RANBP2: variants seen among roughly 807,000 people sequenced by gnomAD.
RANBP2 encodes E3 SUMO-protein ligase RanBP2.
Under a neutral mutation model 303.6 loss-of-function variants are expected in RANBP2, and 57 were observed. The observed-to-expected ratio is 0.19, with a 90% CI of 0.15 to 0.23. RANBP2 has a LOEUF of 0.23. RANBP2 is among the 10% of genes least tolerant of loss of function. The pLI is 1.00. For synonymous variants in RANBP2, 1,167 were observed against 1,301.5 expected (o/e 0.90, Z 2.23); for missense variants, 3,138 against 3,780.8 (o/e 0.83, Z 4.46).
the RANBP2 span, among the ~76,000 whole-genome samples, chr2:109,467,951 C>T: frequency 6.6e-6 from 1 of 152,232 alleles, no homozygotes; most frequent in African/African-American, 2.4e-5. Context: ...CACCTCCATG[C>T]GGGCTGCTGG....
At chr2:109,468,029 C>T in the RANBP2 span, among the ~76,000 whole-genome samples, 1 of 152,380 alleles carries the variant, frequency 6.6e-6, no homozygotes, top group South Asian at 2.1e-4. Flanking sequence ...AAGTGACACA[C>T]ATCACATTTG....
the RANBP2 span, among the ~76,000 whole-genome samples, chr2:109,486,609 A>G: frequency 0.13 from 19,477 of 152,168 alleles, 1,896 homozygotes; most frequent in East Asian, 0.27. Flanking sequence ...AGCGAGGCAG[A>G]TGGTACCCTT....
the RANBP2 span, among the ~76,000 whole-genome samples, chr2:109,482,941 G>T: frequency 6.6e-6 from 1 of 152,210 alleles, no homozygotes; most frequent in Non-Finnish European, 1.5e-5. Context: ...CAGCATTTTT[G>T]AAGATGCATG....
At chr2:109,692,859 C>T in the RANBP2 span, among the ~76,000 whole-genome samples, 4 of 151,014 alleles carry the variant, frequency 2.6e-5, no homozygotes, top group Non-Finnish European at 5.9e-5. Context: ...GCTCTTGTCC[C>T]CCAGGCTGGA....
chr2:108,856,766 C>T, the RANBP2 span: 3 of 1,592,514 alleles, frequency 1.9e-6, no homozygotes, highest in Admixed American at 1.8e-5. Context: ...AGCAAAACTG[C>T]AGTTGATTGT....
chr2:109,108,770 C>A, the RANBP2 span, among the ~76,000 whole-genome samples: 3 of 152,332 alleles, frequency 2.0e-5, no homozygotes, highest in African/African-American at 7.2e-5. Flanking sequence ...CCCACCGGTC[C>A]CCCAAAGCCC....
At chr2:109,287,359 C>G in the RANBP2 span, among the ~76,000 whole-genome samples, 1 of 152,172 alleles carries the variant, frequency 6.6e-6, no homozygotes, top group African/African-American at 2.4e-5. Flanking sequence ...TACATCTTGA[C>G]TCTGAACCAC....
At chr2:109,568,466 G>T in the RANBP2 span, among the ~76,000 whole-genome samples, 2 of 150,958 alleles carry the variant, frequency 1.3e-5, no homozygotes, top group South Asian at 4.2e-4. Context: ...CTGCCTTCTG[G>T]GTTCAAGCGA....
chr2:109,047,148 C>T, the RANBP2 span, among the ~76,000 whole-genome samples: 1 of 152,208 alleles, frequency 6.6e-6, no homozygotes, highest in East Asian at 1.9e-4. Flanking sequence ...CTGCCCTATG[C>T]CACTTGGCCC....
the RANBP2 span, among the ~76,000 whole-genome samples, chr2:109,731,929 C>T: frequency 6.6e-6 from 1 of 151,854 alleles, no homozygotes; most frequent in Non-Finnish European, 1.5e-5. Flanking sequence ...CTCACCACAG[C>T]CTCCACCTCC....
At chr2:109,263,859 C>T in the RANBP2 span, among the ~76,000 whole-genome samples, 46 of 152,310 alleles carry the variant, frequency 3.0e-4, no homozygotes, top group African/African-American at 1.1e-3. Context: ...TCCCCAGCTG[C>T]TCGGGAGGCT....
the RANBP2 span, among the ~76,000 whole-genome samples, chr2:109,632,851 A>G: frequency 6.6e-6 from 1 of 151,990 alleles, no homozygotes; most frequent in African/African-American, 2.4e-5. Context: ...AAAGCAAAAC[A>G]AAAACTTGAC....
the RANBP2 span, among the ~76,000 whole-genome samples, chr2:108,980,111 G>A: frequency 7.0e-6 from 1 of 143,468 alleles, no homozygotes; most frequent in African/African-American, 2.5e-5. Context: ...GGGGTGGGGT[G>A]GGGTCGGGTG....
chr2:109,250,506 A>G, the RANBP2 span, among the ~76,000 whole-genome samples: 13 of 151,904 alleles, frequency 8.6e-5, no homozygotes, highest in East Asian at 2.5e-3. Flanking sequence ...TAAATGGAAT[A>G]ATAATGGACT....
At chr2:109,064,300 A>G in the RANBP2 span, among the ~76,000 whole-genome samples, 1 of 151,990 alleles carries the variant, frequency 6.6e-6, no homozygotes, top group Non-Finnish European at 1.5e-5. Context: ...TACTAAAAAT[A>G]CAAAAATTAG....
chr2:109,623,118 C>T, the RANBP2 span, among the ~76,000 whole-genome samples: 1 of 152,154 alleles, frequency 6.6e-6, no homozygotes, highest in Non-Finnish European at 1.5e-5. Flanking sequence ...CAGAGTGAAA[C>T]TCTGTCTCAA....
the RANBP2 span, among the ~76,000 whole-genome samples, chr2:109,513,207 T>A: frequency 2.0e-5 from 3 of 152,054 alleles, no homozygotes; most frequent in Non-Finnish European, 2.9e-5. Context: ...TAGACCTGTC[T>A]CAGCACCCAG....
the RANBP2 span, among the ~76,000 whole-genome samples, chr2:109,225,160 A>AG: frequency 1.3e-5 from 2 of 152,150 alleles, no homozygotes; most frequent in Non-Finnish European, 2.9e-5. Context: ...GTGTAAAATG[A>AG]GGTTCTATGG....
chr2:109,058,573 A>G, the RANBP2 span, among the ~76,000 whole-genome samples: 1 of 152,236 alleles, frequency 6.6e-6, no homozygotes, highest in African/African-American at 2.4e-5. Context: ...AAGCTCATCC[A>G]AAGCCTCACC....
Sources: allele counts gnomAD v4.1 joint callset (sites outside exome capture counted in the v4.1 genomes callset), GRCh38; gene constraint gnomAD v4.1.1; transcripts MANE v1.5; gene names NCBI Gene and HGNC (gene_info 2026-07-23, HGNC 2026-07-21).